TAF3: variants seen among roughly 807,000 people sequenced by gnomAD.
TAF3 encodes TATA-box binding protein associated factor 3, also known as transcription initiation factor TFIID subunit 3.
Under a neutral mutation model 80.6 loss-of-function variants are expected in TAF3, and 7 were observed. The ratio of observed to expected loss-of-function variants is 0.09; its 90% confidence interval spans 0.05 to 0.16. The LOEUF (loss-of-function observed/expected upper bound fraction) is 0.16, where lower values mean the gene tolerates loss of function less well. Among genes scored for constraint, TAF3 ranks in the 10% least tolerant of loss-of-function variants. The probability of loss-of-function intolerance (pLI) is 1.00; values close to 1 mark genes in which losing one functional copy is unlikely to be tolerated. For synonymous variants in TAF3, 444 were observed against 446.1 expected (o/e 1.00, Z 0.06); for missense variants, 921 against 1,140.2 (o/e 0.81, Z 2.77).
At chr10:8,008,033 G>A (rs1282349035) in intron 4 of TAF3, among the ~76,000 whole-genome samples, 1 of 151,624 alleles carries the variant, frequency 6.6e-6, no homozygotes, top group African/African-American at 2.4e-5. Flanking sequence ...AGCATCACCA[G>A]GACAGAAGCT....
intron 2 of TAF3, among the ~76,000 whole-genome samples, chr10:7,902,688 T>C (rs1428645889): frequency 5.9e-5 from 9 of 152,202 alleles, no homozygotes; most frequent in Admixed American, 4.6e-4. Flanking sequence ...TCTCCCTTTA[T>C]AATTAATGAG....
intron 2 of TAF3, among the ~76,000 whole-genome samples, chr10:7,873,546 A>G (rs938000172): frequency 2.0e-5 from 3 of 152,190 alleles, no homozygotes; most frequent in Non-Finnish European, 4.4e-5. Context: ...TAGAACTGGA[A>G]CAAAATGTCA....
intron 2 of TAF3, among the ~76,000 whole-genome samples, chr10:7,839,728 C>A (rs1836891068): frequency 6.6e-6 from 1 of 151,670 alleles, no homozygotes; most frequent in Non-Finnish European, 1.5e-5. Context: ...ACATCTTATT[C>A]TTCTATTCAG....
At chr10:7,842,812 A>G (rs182670542) in intron 2 of TAF3, among the ~76,000 whole-genome samples, 7 of 152,232 alleles carry the variant, frequency 4.6e-5, no homozygotes, top group Admixed American at 3.9e-4. Context: ...TAAATGTCGT[A>G]TATTTTTACA....
At chr10:7,838,920 T>TTTTTTTTTTTTTTTTG (rs1836881630) in intron 2 of TAF3, among the ~76,000 whole-genome samples, 1 of 140,696 alleles carries the variant, frequency 7.1e-6, no homozygotes, top group Non-Finnish European at 1.6e-5. Context: ...TTTTTTTTTT[T>TTTTTTTTTTTTTTTTG]TTTGGTTTGT....
At chr10:7,824,255 T>C (rs1836719383) in intron 1 of TAF3, 63 bp from the exon 2 acceptor site, 1 of 1,542,552 alleles carries the variant, frequency 6.5e-7, no homozygotes, top group Admixed American at 2.0e-5. Context: ...TTTTTCTTAA[T>C]ATTTAAAAAT....
At chr10:7,820,657 G>A (rs1440253200) in intron 1 of TAF3, among the ~76,000 whole-genome samples, 2 of 152,076 alleles carry the variant, frequency 1.3e-5, no homozygotes, top group East Asian at 1.9e-4. Context: ...ACCATGCCTG[G>A]CTAATCTTTT....
intron 2 of TAF3, among the ~76,000 whole-genome samples, chr10:7,859,196 T>G (rs1837117497): frequency 6.6e-6 from 1 of 151,580 alleles, no homozygotes; most frequent in South Asian, 2.1e-4. Flanking sequence ...AGGAGGCGGA[T>G]CTTGCAGTGA....
intron 3 of TAF3, among the ~76,000 whole-genome samples, chr10:7,975,702 G>T (rs1021080644): frequency 6.6e-6 from 1 of 152,050 alleles, no homozygotes; most frequent in South Asian, 2.1e-4. Context: ...TGGGCTGAGG[G>T]ATTTGAAAAA....
chr10:7,861,048 G>A (rs1274112399), intron 2 of TAF3, among the ~76,000 whole-genome samples: 3 of 151,480 alleles, frequency 2.0e-5, no homozygotes, highest in South Asian at 4.2e-4. Context: ...TGCAAGCTCC[G>A]CCTCATGGGT....
At chr10:7,819,669 T>C (rs558488960) in intron 1 of TAF3, among the ~76,000 whole-genome samples, 2 of 150,900 alleles carry the variant, frequency 1.3e-5, no homozygotes, top group East Asian at 3.9e-4. Context: ...AAGCTCCACA[T>C]TATCTTGTTG....
At chr10:7,957,792 G>GCTCTCTCTCT (rs373350330) in intron 2 of TAF3, among the ~76,000 whole-genome samples, 1,811 of 134,170 alleles carry the variant, frequency 0.013, 29 homozygotes, top group Non-Finnish European at 0.015. Context: ...TCTCTCTAGC[G>GCTCTCTCTCT]CGCTCTCTCT....
chr10:7,955,627 A>G (rs1838127566), intron 2 of TAF3, among the ~76,000 whole-genome samples: 1 of 152,206 alleles, frequency 6.6e-6, no homozygotes, highest in Non-Finnish European at 1.5e-5. Flanking sequence ...AACTTTTTAG[A>G]TTATAGTGTT....
intron 2 of TAF3, among the ~76,000 whole-genome samples, chr10:7,874,783 G>GT (rs1270351872): frequency 6.6e-6 from 1 of 151,514 alleles, no homozygotes; most frequent in Non-Finnish European, 1.5e-5. Flanking sequence ...TCTTTTCTAG[G>GT]TGCAGATTAC....
At chr10:7,922,991 A>G (rs1002926098) in intron 2 of TAF3, among the ~76,000 whole-genome samples, 2 of 152,222 alleles carry the variant, frequency 1.3e-5, no homozygotes, top group Non-Finnish European at 2.9e-5. Context: ...TGTATTATAA[A>G]TCATCTATAT....
At chr10:7,922,842 T>C (rs1837777508) in intron 2 of TAF3, among the ~76,000 whole-genome samples, 1 of 152,066 alleles carries the variant, frequency 6.6e-6, no homozygotes, top group Admixed American at 6.6e-5. Flanking sequence ...CTCAGCCTTA[T>C]CACTTTAGAG....
Position 7,832,128 on chromosome 10 carries a change from A to G in TAF3, c.409+7568A>G, listed in dbSNP as rs1836807387. Among the ~76,000 whole-genome samples, 5 of 152,124 alleles carry G rather than the reference A, an allele frequency of 3.3e-5. No individual in the cohort carries two copies. The South Asian group carries it at 8.3e-4, about 25-fold the overall frequency. Reference sequence around the variant, plus strand: ...TTTTCACCATGCTGTGCAATGTATCAAAAAAAGTACTCCTCCTGTCAGATT... The same window carrying G: ...TTTTCACCATGCTGTGCAATGTATCGAAAAAAGTACTCCTCCTGTCAGATT... On this transcript the variant is annotated intron_variant, in intron 2 of 6. Transcript: ENST00000344293.
At chr10:7,910,721 G>A (rs1376597634) in intron 2 of TAF3, among the ~76,000 whole-genome samples, 1 of 152,134 alleles carries the variant, frequency 6.6e-6, no homozygotes, top group African/African-American at 2.4e-5. Flanking sequence ...TGGGTATAAA[G>A]CTAAAATTAT....
At chr10:7,850,103 C>T (rs1253597843) in intron 2 of TAF3, among the ~76,000 whole-genome samples, 1 of 152,180 alleles carries the variant, frequency 6.6e-6, no homozygotes, top group East Asian at 1.9e-4. Flanking sequence ...CTGATAAGTC[C>T]TCTCTGTCTG....
Sources: allele counts gnomAD v4.1 joint callset (sites outside exome capture counted in the v4.1 genomes callset), GRCh38; gene constraint gnomAD v4.1.1; transcripts MANE v1.5; gene names NCBI Gene and HGNC (gene_info 2026-07-23, HGNC 2026-07-21).